ASXL1: variants seen among roughly 807,000 people sequenced by gnomAD.
ASXL1 encodes polycomb group protein ASXL1.
ASXL1 carries 65 observed loss-of-function variants against 89.1 expected under a neutral mutation model. That is an observed-to-expected ratio of 0.73 (90% confidence interval 0.60 to 0.90). ASXL1 has a LOEUF of 0.90. Among genes scored for constraint, ASXL1 ranks in the 40% least tolerant of loss-of-function variants. The pLI, the probability that ASXL1 is intolerant of heterozygous loss-of-function variation, is 0.00. For missense variants in ASXL1, 1,786 were observed against 1,942.9 expected (o/e 0.92, Z 1.52); for synonymous variants, 739 against 746.9 (o/e 0.99, Z 0.17).
At position 32,431,495 on chromosome 20, in the gene ASXL1, G is replaced by C; in HGVS notation, c.882+11G>C. The C allele has an allele frequency of 6.2e-7, 1 of 1,614,022 alleles. No individual in the cohort carries two copies. Among genetic ancestry groups the C allele is most frequent in the Non-Finnish European group, 8.5e-7 (1 of 1,180,002 alleles). On this transcript the variant is annotated intron_variant, in intron 9 of 12. Coordinates refer to ENST00000375687, the MANE Select transcript of ASXL1 (RefSeq NM_015338.6). ...GAAGTAGACAGACAGGTGCACATGGGCAGCCTCCCCTTTGCCTCTCTCTGG... is the reference window on the plus strand; with the variant it reads ...GAAGTAGACAGACAGGTGCACATGGCCAGCCTCCCCTTTGCCTCTCTCTGG...
intron 4 of ASXL1, among the ~76,000 whole-genome samples, chr20:32,414,879 A>G (rs1289916163): frequency 6.6e-6 from 1 of 152,022 alleles, no homozygotes; most frequent in Non-Finnish European, 1.5e-5. Flanking sequence ...CTTGCCATCT[A>G]CATGACAGTA....
chr20:32,424,902 A>G (rs567672198), intron 4 of ASXL1, among the ~76,000 whole-genome samples: 3 of 152,344 alleles, frequency 2.0e-5, no homozygotes, highest in Admixed American at 2.0e-4. Context: ...CACTTAGATC[A>G]CGACATCAAA....
At chr20:32,382,346 C>T (rs1338883104) in intron 4 of ASXL1, among the ~76,000 whole-genome samples, 1 of 152,032 alleles carries the variant, frequency 6.6e-6, no homozygotes, top group Non-Finnish European at 1.5e-5. Context: ...AAACCTTTCT[C>T]AGGGTGTGGC....
intron 8 of ASXL1, 75 bp downstream of exon 8, chr20:32,430,128 A>C (rs2123227321): frequency 6.7e-7 from 1 of 1,498,394 alleles, no homozygotes. Flanking sequence ...GATGTCTTCT[A>C]TTCCAATTCC....
chr20:32,417,382 TCAGA>T (rs2049156178), intron 4 of ASXL1, among the ~76,000 whole-genome samples: 1 of 152,214 alleles, frequency 6.6e-6, no homozygotes, highest in African/African-American at 2.4e-5. Flanking sequence ...TAGTAAGAAC[TCAGA>T]CAATTTCTTT....
At chr20:32,423,532 C>G (rs1320304884) in intron 4 of ASXL1, among the ~76,000 whole-genome samples, 1 of 151,488 alleles carries the variant, frequency 6.6e-6, no homozygotes, top group Non-Finnish European at 1.5e-5. Flanking sequence ...GGCCACAATA[C>G]CCAGCATTTT....
rs886056591 is a variant in ASXL1, at chr20:32,358,682, C to A, written c.-94C>A. 18 of 500,590 alleles carry A rather than the reference C, an allele frequency of 3.6e-5. No homozygotes were observed. The highest frequency in any genetic ancestry group is 4.2e-5 in the African/African-American group (2 of 47,216). 31.0% of individuals were successfully genotyped at this position (500,590 alleles called of 1,614,324 possible). A position where few individuals can be genotyped will look rare whatever the true frequency, so the allele number is the denominator to read the frequency against. Reference sequence around the variant, plus strand: ...CGCGCCGCCGCTGCCACGCGCCCCCCCCACCGCCGCCGCCGCCCCAGCCCC... The same window carrying A: ...CGCGCCGCCGCTGCCACGCGCCCCCACCACCGCCGCCGCCGCCCCAGCCCC... On this transcript the variant is annotated 5_prime_UTR_variant, in exon 1 of 13. Transcript: ENST00000375687.
rs886056610 is a variant in ASXL1, at chr20:32,438,568, C to T, written c.*1230C>T. 22 of 233,544 alleles carry T rather than the reference C, an allele frequency of 9.4e-5. No individual in the cohort carries two copies. Among genetic ancestry groups the T allele is most frequent in the Admixed American group, 3.4e-4 (6 of 17,782 alleles). 14.5% of individuals were successfully genotyped at this position (233,544 alleles called of 1,614,324 possible). On this transcript the variant is annotated 3_prime_UTR_variant, in exon 13 of 13. Transcript: ENST00000375687. ...CACAGTCAGCCTGCCCACATGCCACCGAGCAAACGCATCTTGCTTTTCACA... is the reference window on the plus strand; with the variant it reads ...CACAGTCAGCCTGCCCACATGCCACTGAGCAAACGCATCTTGCTTTTCACA...
At chr20:32,417,146 T>A (rs989947399) in intron 4 of ASXL1, among the ~76,000 whole-genome samples, 5 of 152,334 alleles carry the variant, frequency 3.3e-5, no homozygotes, top group Admixed American at 6.5e-5. Flanking sequence ...TTTATTTTTT[T>A]AAAAATTAAT....
chr20:32,376,841 C>T (rs1600488486), intron 4 of ASXL1, among the ~76,000 whole-genome samples: 5 of 137,884 alleles, frequency 3.6e-5, no homozygotes, highest in Admixed American at 3.5e-4. Context: ...ATATAAATAT[C>T]ATGATAGATA....
intron 2 of ASXL1, chr20:32,366,686 A>T (rs1237919936): frequency 1.7e-6 from 1 of 586,602 alleles, no homozygotes; most frequent in Admixed American, 6.4e-5. Flanking sequence ...GGCTTTCCCC[A>T]TCTCCTTGTT....
At chr20:32,369,210 C>T in intron 4 of ASXL1, 87 bp downstream of exon 4, 1 of 1,234,996 alleles carries the variant, frequency 8.1e-7, no homozygotes, top group East Asian at 2.3e-5. Flanking sequence ...GAATAGGGGC[C>T]ATGAATTTGC....
intron 4 of ASXL1, among the ~76,000 whole-genome samples, chr20:32,423,967 T>G (rs1045352698): frequency 6.6e-6 from 1 of 152,192 alleles, no homozygotes; most frequent in Non-Finnish European, 1.5e-5. Context: ...CCTTGTCTTT[T>G]TACTGAAAAT....
rs1248006647 is a variant in ASXL1 at position 32,437,060 on chromosome 20, A to T, written c.4348A>T (p.Ser1450Cys). 1.9e-6 allele frequency: 3 copies of T among 1,614,016 alleles called. No individual in the cohort carries two copies. The highest frequency in any genetic ancestry group is 2.5e-6 in the Non-Finnish European group (3 of 1,180,038). Residue 1450 changes from serine to cysteine, a missense_variant, in exon 13 of 13, where the codon AGT (serine) becomes TGT (cysteine). Physicochemically the swap from Ser to Cys is moderately radical, Grantham distance 112. Transcript: ENST00000375687. Reference protein sequence around the residue: ...FYGKLSKLQLSSTSFNYSSSS... With the variant: ...FYGKLSKLQLCSTSFNYSSSS... ...TGGGAAGCTTTCTAAACTCCAACTGAGTTCCACCAGCTTTAATTATTCCTC... is the reference window on the plus strand; with the variant it reads ...TGGGAAGCTTTCTAAACTCCAACTGTGTTCCACCAGCTTTAATTATTCCTC...
chr20:32,368,697 TA>T (rs1428947221), intron 3 of ASXL1, among the ~76,000 whole-genome samples: 1 of 152,190 alleles, frequency 6.6e-6, no homozygotes, highest in African/African-American at 2.4e-5. Flanking sequence ...ATTAACTTAT[TA>T]AAATATAACT....
chr20:32,430,968 A>G (rs937162424), intron 8 of ASXL1: 63 of 477,330 alleles, frequency 1.3e-4, no homozygotes, highest in African/African-American at 1.2e-3. Context: ...CTTTTAGATA[A>G]TTCTCATGAT....
chr20:32,421,804 G>A (rs563939617), intron 4 of ASXL1, among the ~76,000 whole-genome samples: 92 of 151,698 alleles, frequency 6.1e-4, no homozygotes, highest in African/African-American at 2.1e-3. Context: ...GCAAAAGTAC[G>A]TTATGGAGAT....
At chr20:32,373,079 G>A (rs919408752) in intron 4 of ASXL1, among the ~76,000 whole-genome samples, 1 of 148,234 alleles carries the variant, frequency 6.7e-6, no homozygotes, top group Non-Finnish European at 1.5e-5. Flanking sequence ...GTGTGTCCTT[G>A]TTCATAATTT....
rs551790630 is a variant in ASXL1 at position 32,439,025 on chromosome 20, C to T, written c.*1687C>T. On this transcript the variant is annotated 3_prime_UTR_variant, in exon 13 of 13. Coordinates refer to ENST00000375687, the MANE Select transcript of ASXL1 (RefSeq NM_015338.6). ...CATTTTATCTGAAAGGTTTTTTTCT[C>T]ATTTAATCTGATGTGGCATTTTCGT... 5.1e-5 allele frequency: 12 copies of T among 233,524 alleles called. No individual in the cohort carries two copies. In the South Asian group the frequency reaches 2.0e-3, roughly 39 times the overall value. The allele number at this position is 233,524 out of a possible 1,614,324, so 14.5% of individuals were successfully genotyped here.
Sources: gnomAD v4.1 joint callset for allele counts (sites outside exome capture counted in the v4.1 genomes callset) on GRCh38, gnomAD v4.1.1 for gene constraint, MANE v1.5 for transcripts, NCBI Gene and HGNC (gene_info 2026-07-23, HGNC 2026-07-21) for gene names.